Variants in SREBF1 observed in about 807,000 individuals in gnomAD.
SREBF1 encodes the protein sterol regulatory element-binding protein 1.
SREBF1 carries 45 observed loss-of-function variants against 100.1 expected under a neutral mutation model. The observed-to-expected ratio is 0.45, with a 90% confidence interval of 0.35 to 0.58. The LOEUF is 0.58. SREBF1 is among the 20% of genes least tolerant of loss of function. The probability of loss-of-function intolerance (pLI) is 0.00; values close to 1 mark genes in which losing one functional copy is unlikely to be tolerated. For missense variants in SREBF1, 1,324 were observed against 1,539.4 expected (o/e 0.86, Z 2.34); for synonymous variants, 657 against 681.8 (o/e 0.96, Z 0.57).
At chr17:17,820,550 T>A in intron 1 of SREBF1, 29 bp from the exon 2 acceptor site, 1 of 1,609,696 alleles carries the variant, frequency 6.2e-7, no homozygotes. Context: ...GGTGCGTGAG[T>A]GAGGCAGAGA....
In SREBF1 at chr17:17,816,547, G is replaced by C. The variant is rs1226031705; in HGVS notation, c.1957C>G (p.Gln653Glu). ...TCCACTCGCAGAGCACAGTCCTGCT[G>C]CAGGCCCCCTGCCCGGCCTGCCAGC... ...RWLAGRAGGL[Q>E]QDCALRVDAS... The change falls in exon 10 of 19, where the codon CAG (glutamine) becomes GAG (glutamate). Residue 653 changes from glutamine to glutamate, a missense_variant. By Grantham distance (29) the Gln-to-Glu change is conservative. Transcript: ENST00000261646. The C allele has an allele frequency of 6.2e-7, 1 of 1,603,070 alleles. No homozygotes were observed.
chr17:17,823,798 G>T (rs923197979), intron 1 of SREBF1, among the ~76,000 whole-genome samples: 1 of 151,242 alleles, frequency 6.6e-6, no homozygotes, highest in Non-Finnish European at 1.5e-5. Flanking sequence ...GCCTCGCTAG[G>T]GCCCGGCCCC....
rs754185856 is a variant in SREBF1 at position 17,815,996 on chromosome 17, G to A, written c.2247C>T (p.Cys749=). 5.0e-6 allele frequency: 8 copies of A among 1,612,664 alleles called. No individual in the cohort carries two copies. The East Asian group carries it at 1.8e-4, about 36-fold the overall frequency. ...RFFLSSARQA[C]LAQSGSVPPA... is the part of the protein sequence containing the mutation. Reference sequence around the variant, plus strand: ...GAGGCACTGAGCCACTCTGTGCCAGGCAGGCCTGGCGGGCACTGCTCAGGA... The same window carrying A: ...GAGGCACTGAGCCACTCTGTGCCAGACAGGCCTGGCGGGCACTGCTCAGGA... The change falls in exon 12 of 19, where the codon TGC becomes TGT. Residue 749 remains cysteine, a synonymous_variant. Transcript: ENST00000261646.
intron 1 of SREBF1, among the ~76,000 whole-genome samples, chr17:17,832,094 C>T (rs1022934578): frequency 6.6e-6 from 1 of 152,194 alleles, no homozygotes; most frequent in Non-Finnish European, 1.5e-5. Flanking sequence ...TTCTTAGGAG[C>T]CCAGTGCTTA....
chr17:17,816,576 C>T lies in SREBF1; in HGVS notation c.1928G>A (p.Arg643His), dbSNP rs776719475. 1.2e-4 allele frequency: 199 copies of T among 1,605,592 alleles called. No homozygotes were observed. Among genetic ancestry groups the T allele is most frequent in the Non-Finnish European group, 1.7e-4 (195 of 1,177,072 alleles). Residue 643 changes from arginine (R) to histidine (H), a missense_variant, in exon 10 of 19, where the codon CGC becomes CAC. By Grantham distance (29) the Arg-to-His change is conservative (BLOSUM62 0). Coordinates refer to ENST00000261646, the MANE Select transcript of SREBF1 (RefSeq NM_004176.5). ...RHLLQRLWVG[R>H]WLAGRAGGLQ... Reference sequence around the variant, plus strand: ...GCCCCCTGCCCGGCCTGCCAGCCAGCGGCCCACCCAGAGACGCTGCAGCAG... The same window carrying T: ...GCCCCCTGCCCGGCCTGCCAGCCAGTGGCCCACCCAGAGACGCTGCAGCAG...
chr17:17,819,328 G>C lies in SREBF1; in HGVS notation c.838C>G (p.Pro280Ala), dbSNP rs1287170921. Residue 280 changes from proline to alanine, a missense_variant, in exon 4 of 19, where the codon CCT becomes GCT. Coordinates refer to ENST00000261646, the MANE Select transcript of SREBF1 (RefSeq NM_004176.5). ...LVSGTTVQTG[P>A]LPTLVSGGTI... Reference sequence around the variant, plus strand: ...CTGCCCACGTCACCCACCGGCAAAGGCCCTGTCTGCACAGTGGTGCCAGAG... The same window carrying C: ...CTGCCCACGTCACCCACCGGCAAAGCCCCTGTCTGCACAGTGGTGCCAGAG... 6.2e-7 allele frequency: 1 copy of C among 1,613,662 alleles called. No individual in the cohort carries two copies.
intron 1 of SREBF1, 22 bp from the exon 2 acceptor site, chr17:17,820,543 G>A (rs1285924776): frequency 3.7e-6 from 6 of 1,611,710 alleles, no homozygotes; most frequent in Non-Finnish European, 1.7e-6. Flanking sequence ...AGAAGAGGGT[G>A]CGTGAGTGAG....
chr17:17,819,136 CG>C lies in SREBF1; in HGVS notation c.944del (p.Pro315ArgfsTer43), dbSNP rs772512587. The C allele has an allele frequency of 6.2e-7, 1 of 1,614,024 alleles. No individual in the cohort carries two copies. Among genetic ancestry groups the C allele is most frequent in the African/African-American group, 1.3e-5 (1 of 74,948 alleles). ...INRLAAGSKAPASAQSRGEKR... is the reference protein window; with the variant it reads ...INRLAAGSKAXASAQSRGEKR... The stretch of plus-strand genomic sequence containing the variant: ...TCTCTCCACGGCTCTGGGCAGAGGC[CG>C]GGGCCTTGCTGCCAGCTGCGAGCCG... On this transcript the variant is annotated frameshift_variant, in exon 5 of 19. Transcript: ENST00000261646. LOFTEE classifies it high-confidence loss of function.
In SREBF1 at chr17:17,816,205, A is replaced by ACCCCCGCCACCCCACACCCCGGC; in HGVS notation, c.2214+1_2214+2insGCCGGGGTGTGGGGTGGCGGGGG. 8.9e-7 allele frequency: 1 copy of ACCCCCGCCACCCCACACCCCGGC among 1,123,426 alleles called. No individual in the cohort carries two copies. The highest frequency in any genetic ancestry group is 1.1e-6 in the Non-Finnish European group (1 of 883,192). 69.6% of individuals were successfully genotyped at this position (1,123,426 alleles called of 1,614,324 possible). On this transcript the variant is annotated splice_donor_variant, in intron 11 of 18. Coordinates refer to ENST00000261646, the MANE Select transcript of SREBF1 (RefSeq NM_004176.5). LOFTEE classifies it high-confidence loss of function. The stretch of plus-strand genomic sequence containing the variant: ...AAGCCCCCAGCCCCCCAACCCACTC[A>ACCCCCGCCACCCCACACCCCGGC]CTGTCAGAAAATGCAAGGCCCGTGG...
At chr17:17,818,796 T>C (rs999845712) in intron 5 of SREBF1, 6 of 630,246 alleles carry the variant, frequency 9.5e-6, no homozygotes, top group Non-Finnish European at 1.4e-5. Context: ...GTCTTGTTCA[T>C]TGCTGCATCC....
At chr17:17,823,384 T>G (rs2034239821) in intron 1 of SREBF1, 4 of 758,246 alleles carry the variant, frequency 5.3e-6, no homozygotes, top group Non-Finnish European at 9.4e-6. Flanking sequence ...AGCTGGTAAC[T>G]GTCACACCTT....
Position 17,824,525 on chromosome 17 carries a change from G to A in SREBF1, c.92-4004C>T, listed in dbSNP as rs2034359125. Among the ~76,000 whole-genome samples, 1 of 152,188 alleles carries A rather than the reference G, an allele frequency of 6.6e-6. No individual in the cohort carries two copies. Among genetic ancestry groups the A allele is most frequent in the African/African-American group, 2.4e-5 (1 of 41,432 alleles). ...AAGATGGGTAAGGAAGGGGTGACAGGCTCTAGGGTTCTTTTGAGGAGGTGC... is the reference window on the plus strand; with the variant it reads ...AAGATGGGTAAGGAAGGGGTGACAGACTCTAGGGTTCTTTTGAGGAGGTGC... On this transcript the variant is annotated intron_variant, in intron 1 of 18. Coordinates refer to ENST00000261646, the MANE Select transcript of SREBF1 (RefSeq NM_004176.5). The surrounding 1 kb of genome is among the most constrained non-coding windows in gnomAD (Gnocchi z 4.2).
rs1171266304 is a variant in SREBF1, at chr17:17,811,544, G to GT, written c.*1077_*1078insA. 3 of 312,654 alleles carry GT rather than the reference G, an allele frequency of 9.6e-6. No homozygotes were observed. Among genetic ancestry groups the GT allele is most frequent in the African/African-American group, 7.0e-5 (3 of 42,620 alleles). The allele number at this position is 312,654 out of a possible 1,614,324, so 19.4% of individuals were successfully genotyped here. ...GGAATGAAGGGAGGGGCTGGGGGGG[G>GT]GGGCATGAATGGAGTCAGGGAGTCG... On this transcript the variant is annotated 3_prime_UTR_variant, in exon 19 of 19. Transcript: ENST00000261646.
intron 1 of SREBF1, among the ~76,000 whole-genome samples, chr17:17,833,064 C>T (rs2034973414): frequency 6.6e-6 from 1 of 152,062 alleles, no homozygotes; most frequent in Admixed American, 6.6e-5. Context: ...TGTCGTCTGG[C>T]TGTTGACATG....
At chr17:17,822,742 T>C (rs764283286) in intron 1 of SREBF1, among the ~76,000 whole-genome samples, 3 of 152,238 alleles carry the variant, frequency 2.0e-5, no homozygotes, top group Non-Finnish European at 2.9e-5. Context: ...TCCTCATCTG[T>C]ACAACAGAAA....
Position 17,820,205 on chromosome 17 carries a change from G to T in SREBF1, c.408C>A (p.Thr136=). 1 of 1,613,480 alleles carries T rather than the reference G, an allele frequency of 6.2e-7. No individual in the cohort carries two copies. Among genetic ancestry groups the T allele is most frequent in the Non-Finnish European group, 8.5e-7 (1 of 1,179,882 alleles). Residue 136 remains threonine, a synonymous_variant, in exon 2 of 19, where the codon ACC becomes ACA. Transcript: ENST00000261646. The part of the protein sequence containing the change: ...SVPLSILQTP[T]PQPLPGALLP... ...GGAGGGCCCCTGGCAGGGGCTGTGG[G>T]GTGGGGGTCTGCAGGATGCTCAGTG...
At position 17,819,917 on chromosome 17, in the gene SREBF1, A is replaced by G. The variant is rs891061796; in HGVS notation, c.523+173T>C. On this transcript the variant is annotated intron_variant, in intron 2 of 18. Coordinates refer to ENST00000261646, the MANE Select transcript of SREBF1 (RefSeq NM_004176.5). Reference sequence around the variant, plus strand: ...AGGCCTCCAGTGCGAGGTTGCGCCTACCCCGGCAACAAGCACACCAGGACT... The same window carrying G: ...AGGCCTCCAGTGCGAGGTTGCGCCTGCCCCGGCAACAAGCACACCAGGACT... 6.1e-6 allele frequency: 7 copies of G among 1,147,774 alleles called. No homozygotes were observed. In the African/African-American group the frequency reaches 1.1e-4, roughly 18 times the overall value. The allele number at this position is 1,147,774 out of a possible 1,614,324, so 71.1% of individuals were successfully genotyped here. A position where few individuals can be genotyped will look rare whatever the true frequency, so the allele number is the denominator to read the frequency against.
rs1598113547 is a variant in SREBF1, at chr17:17,815,205, G to T, written c.2492+16C>A. On this transcript the variant is annotated intron_variant, in intron 13 of 18. Transcript: ENST00000261646. ...CCGGAGGGGCCTTGCCTGGAGGAGGGCACAACGACACTTACTTGTCCCCAT... is the reference window on the plus strand; with the variant it reads ...CCGGAGGGGCCTTGCCTGGAGGAGGTCACAACGACACTTACTTGTCCCCAT... 4 of 1,607,782 alleles carry T rather than the reference G, an allele frequency of 2.5e-6. No individual in the cohort carries two copies. The East Asian group carries it at 8.9e-5, about 36-fold the overall frequency.
In SREBF1 at chr17:17,823,618, G is replaced by A. The variant is rs370488355; in HGVS notation, c.92-3097C>T. 237 of 1,606,688 alleles carry A rather than the reference G, an allele frequency of 1.5e-4. No homozygotes were observed. The African/African-American group carries it at 2.0e-3, about 13-fold the overall frequency. ...CCGCGCCGACTTCACCTGTCAAGGCGCGGCGGATTTTTGAAGCCGTTGAGC... is the reference window on the plus strand; with the variant it reads ...CCGCGCCGACTTCACCTGTCAAGGCACGGCGGATTTTTGAAGCCGTTGAGC... On this transcript the variant is annotated intron_variant, in intron 1 of 18. Coordinates refer to ENST00000261646, the MANE Select transcript of SREBF1 (RefSeq NM_004176.5).
Sources: allele counts gnomAD v4.1 joint callset (sites outside exome capture counted in the v4.1 genomes callset), GRCh38; gene constraint gnomAD v4.1.1; non-coding constraint Gnocchi (gnomAD v3.1); transcripts MANE v1.5; gene names NCBI Gene and HGNC (gene_info 2026-07-23, HGNC 2026-07-21).